The following ATP8A2 variants were observed in gnomAD, a reference collection of about 807,000 sequenced individuals.
The protein encoded by ATP8A2 is phospholipid-transporting ATPase IB.
ATP8A2 carries 100 observed loss-of-function variants against 165.6 expected under a neutral mutation model. That is an observed-to-expected ratio of 0.60 (90% CI 0.51 to 0.71). The LOEUF is 0.71. Among genes scored for constraint, ATP8A2 ranks in the 30% least tolerant of loss-of-function variants. ATP8A2 has a pLI of 0.00. For missense variants in ATP8A2, 1,227 were observed against 1,479.5 expected, an observed-to-expected ratio of 0.83 and a Z score of 2.80; for synonymous variants, 543 against 548.8, an observed-to-expected ratio of 0.99 and a Z score of 0.15.
intron 27 of ATP8A2, among the ~76,000 whole-genome samples, chr13:25,805,962 G>GTGCTCTAATATAATATCTTC (rs1445765499): frequency 6.6e-6 from 1 of 152,092 alleles, no homozygotes; most frequent in Non-Finnish European, 1.5e-5. Flanking sequence ...ACAGTATGCA[G>GTGCTCTAATATAATATCTTC]TGCTCTAATA....
At chr13:25,422,375 A>C (rs1048716462) in intron 1 of ATP8A2, among the ~76,000 whole-genome samples, 11 of 152,192 alleles carry the variant, frequency 7.2e-5, no homozygotes, top group Non-Finnish European at 1.5e-4. Context: ...TTGAGAGCAC[A>C]CACTTGGAAG....
At chr13:25,687,918 A>C (rs2042636761) in intron 24 of ATP8A2, among the ~76,000 whole-genome samples, 1 of 152,132 alleles carries the variant, frequency 6.6e-6, no homozygotes, top group Non-Finnish European at 1.5e-5. Context: ...CAAGTATGCT[A>C]TTTCTATCCA....
intron 33 of ATP8A2, among the ~76,000 whole-genome samples, chr13:25,879,149 T>C (rs533008811): frequency 3.3e-5 from 5 of 152,360 alleles, no homozygotes; most frequent in African/African-American, 1.2e-4. Context: ...GTATCTTCTT[T>C]TGTTGTGGTT....
At chr13:25,401,024 A>G (rs2033619437) in intron 1 of ATP8A2, among the ~76,000 whole-genome samples, 2 of 152,194 alleles carry the variant, frequency 1.3e-5, no homozygotes, top group African/African-American at 4.8e-5. Flanking sequence ...GTCTTGGGGA[A>G]TCATTTATAG....
chr13:25,771,389 C>A (rs1436381956), intron 26 of ATP8A2, among the ~76,000 whole-genome samples: 2 of 152,172 alleles, frequency 1.3e-5, no homozygotes, highest in Admixed American at 6.5e-5. Flanking sequence ...ATGTTATACA[C>A]CCCAGCATTA....
chr13:25,952,070 T>C (rs1226275640), intron 33 of ATP8A2, among the ~76,000 whole-genome samples: 7 of 152,166 alleles, frequency 4.6e-5, no homozygotes, highest in Non-Finnish European at 8.8e-5. Flanking sequence ...ATAGTAGGGA[T>C]GCAGGTGCTG....
intron 33 of ATP8A2, among the ~76,000 whole-genome samples, chr13:25,889,260 A>AT (rs959427187): frequency 3.4e-5 from 5 of 145,482 alleles, no homozygotes; most frequent in South Asian, 2.1e-4. Context: ...ATATATATAT[A>AT]TATATATATA....
At chr13:25,971,884 C>G (rs1040342908) in intron 35 of ATP8A2, among the ~76,000 whole-genome samples, 1 of 152,144 alleles carries the variant, frequency 6.6e-6, no homozygotes, top group Admixed American at 6.5e-5. Flanking sequence ...CACTCCCTCT[C>G]CTGCCTTCCT....
chr13:25,601,074 T>C lies in ATP8A2; in HGVS notation c.2211+11375T>C, dbSNP rs114040152. On this transcript the variant is annotated intron_variant, in intron 24 of 36. Coordinates refer to ENST00000381655, the MANE Select transcript of ATP8A2 (RefSeq NM_016529.6). ...GTTGACTATTTTGTTTCTGTTGTTA[T>C]TCTCATGACAAAGAACAGTTGTCCA... Among the ~76,000 whole-genome samples, 474 of 152,316 alleles carry C rather than the reference T, an allele frequency of 3.1e-3. 1 individual carries two copies. The highest frequency in any genetic ancestry group is 0.011 in the African/African-American group (438 of 41,570).
chr13:25,929,874 A>G (rs1954718031), intron 33 of ATP8A2, among the ~76,000 whole-genome samples: 1 of 152,088 alleles, frequency 6.6e-6, no homozygotes, highest in African/African-American at 2.4e-5. Flanking sequence ...CTACTTGTAC[A>G]TTTTTAATTC....
intron 25 of ATP8A2, among the ~76,000 whole-genome samples, chr13:25,749,348 T>C (rs1241468654): frequency 6.6e-6 from 1 of 151,534 alleles, no homozygotes; most frequent in Non-Finnish European, 1.5e-5. Context: ...CTGACGGAGA[T>C]GGGAGAAGCA....
intron 33 of ATP8A2, among the ~76,000 whole-genome samples, chr13:25,898,937 C>G (rs1469263723): frequency 6.6e-6 from 1 of 152,200 alleles, no homozygotes; most frequent in East Asian, 1.9e-4. Flanking sequence ...TCACCCCTTT[C>G]TTTGACTAGG....
chr13:25,561,378 G>A (rs1368495613), intron 15 of ATP8A2, among the ~76,000 whole-genome samples: 2 of 151,440 alleles, frequency 1.3e-5, no homozygotes, highest in South Asian at 4.2e-4. Flanking sequence ...GATTTTTTTT[G>A]TTTTACTTCC....
intron 35 of ATP8A2, among the ~76,000 whole-genome samples, chr13:25,993,449 G>A (rs1022069408): frequency 5.3e-5 from 8 of 152,214 alleles, no homozygotes; most frequent in African/African-American, 1.9e-4. Context: ...AGGAAAAGAG[G>A]AAGTCAAATT....
In ATP8A2 at chr13:25,530,071, C is replaced by G; in HGVS notation, c.294C>G (p.Ala98=). The change falls in exon 3 of 37, where the codon GCC becomes GCG. Residue 98 remains alanine (A), a synonymous_variant. Transcript: ENST00000381655. The stretch of plus-strand genomic sequence containing the variant: ...AGCAGATTAGAAGAGCTGCTAATGC[C>G]TTCTTTCTCTTCATTGCCTTATTAC... ...LYEQIRRAAN[A]FFLFIALLQQ... 1 of 1,607,736 alleles carries G rather than the reference C, an allele frequency of 6.2e-7. No homozygotes were observed. Among genetic ancestry groups the G allele is most frequent in the Non-Finnish European group, 8.5e-7 (1 of 1,174,700 alleles).
chr13:25,509,852 A>G (rs546338119), intron 2 of ATP8A2, among the ~76,000 whole-genome samples: 10 of 152,294 alleles, frequency 6.6e-5, no homozygotes, highest in African/African-American at 2.4e-4. Context: ...ATATGCAAGA[A>G]CCAAATGCAA....
At chr13:25,970,783 G>A (rs1270983669) in intron 35 of ATP8A2, among the ~76,000 whole-genome samples, 6 of 152,164 alleles carry the variant, frequency 3.9e-5, no homozygotes, top group Non-Finnish European at 7.3e-5. Context: ...GAAGGAAGTC[G>A]TGGGCTGTCA....
At chr13:25,810,983 A>T (rs930565852) in intron 27 of ATP8A2, among the ~76,000 whole-genome samples, 9 of 152,096 alleles carry the variant, frequency 5.9e-5, no homozygotes, top group Non-Finnish European at 1.2e-4. Context: ...TACCCTGTGA[A>T]TTTTGTCCAT....
rs1452153246 is a variant in ATP8A2 at position 25,856,238 on chromosome 13, A to G, written c.2957-3957A>G. On this transcript the variant is annotated intron_variant, in intron 30 of 36. Coordinates refer to ENST00000381655, the MANE Select transcript of ATP8A2 (RefSeq NM_016529.6). ...CATTGCCAGATCCAAGGTGATAAAG[A>G]TTCATCGCTATGTTTTATCATAAGA... 2.0e-5 allele frequency among the ~76,000 whole-genome samples: 3 copies of G among 152,198 alleles called. No individual in the cohort carries two copies. In the East Asian group the frequency reaches 5.8e-4, roughly 29 times the overall value.
Sources: allele counts gnomAD v4.1 joint callset (sites outside exome capture counted in the v4.1 genomes callset), GRCh38; gene constraint gnomAD v4.1.1; transcripts MANE v1.5; gene names NCBI Gene and HGNC (gene_info 2026-07-23, HGNC 2026-07-21).